The following NDEL1 variants were observed in gnomAD, a reference collection of about 807,000 sequenced individuals.
The protein encoded by NDEL1 is nudE neurodevelopment protein 1 like 1, also known as nuclear distribution protein nudE-like 1.
In NDEL1, 9 loss-of-function variants were observed where a neutral mutation model predicts 45.7. The ratio of observed to expected loss-of-function variants is 0.20; its 90% CI spans 0.12 to 0.34. The LOEUF is 0.34. Among genes scored for constraint, NDEL1 ranks in the 10% least tolerant of loss-of-function variants. The pLI, the probability that NDEL1 is intolerant of heterozygous loss-of-function variation, is 1.00. For synonymous variants in NDEL1, 133 were observed against 158.6 expected, an observed-to-expected ratio of 0.84 and a Z score of 1.21; for missense variants, 306 against 406.2, an observed-to-expected ratio of 0.75 and a Z score of 2.12.
rs534601133 is a variant in NDEL1, at chr17:8,421,092, T to C, written c.-13+7823T>C. The stretch of plus-strand genomic sequence containing the variant: ...TTAGGGAAAATATGATTAACATCAA[T>C]TCTATAGTTTCATAGAGATGATCAT... On this transcript the variant is annotated intron_variant, in intron 1 of 4. Coordinates refer to the NDEL1 transcript ENST00000582812. 1.1e-3 allele frequency among the ~76,000 whole-genome samples: 168 copies of C among 152,356 alleles called. 1 individual carries two copies. The highest frequency in any genetic ancestry group is 1.9e-3 in the Non-Finnish European group (132 of 68,036).
chr17:8,414,559 C>T (rs1374515926), intron 1 of NDEL1, among the ~76,000 whole-genome samples: 6 of 151,936 alleles, frequency 3.9e-5, no homozygotes, highest in South Asian at 2.1e-4. Flanking sequence ...CCCAGCTACC[C>T]GGGAGGCTGA....
chr17:8,470,646 C>G (rs1238037593), downstream of NDEL1, among the ~76,000 whole-genome samples: 1 of 152,194 alleles, frequency 6.6e-6, no homozygotes, highest in Non-Finnish European at 1.5e-5. This position sits in a 1 kb window ranked among gnomAD's most constrained non-coding sequence, Gnocchi z 4.2. Context: ...GTTGACTGAG[C>G]TTGCACGGCT....
intron 3 of NDEL1, among the ~76,000 whole-genome samples, chr17:8,474,053 A>C (rs1912096140): frequency 6.6e-6 from 1 of 152,228 alleles, no homozygotes; most frequent in South Asian, 2.1e-4. Flanking sequence ...AGTTGGAGCC[A>C]GGACTGGCCT....
At chr17:8,428,324 G>C (rs1441638808) in intron 1 of NDEL1, among the ~76,000 whole-genome samples, 1 of 1,980 alleles carries the variant, frequency 5.1e-4, no homozygotes, top group Admixed American at 8.8e-3. Context: ...AGTGTGTGTG[G>C]TGTGTGTGTG....
In NDEL1 at chr17:8,450,938, T is replaced by C. The variant is rs986464853; in HGVS notation, c.685T>C (p.Phe229Leu). Residue 229 changes from phenylalanine (F) to leucine (L), a missense_variant, in exon 6 of 9, where the codon TTT becomes CTT. Coordinates refer to ENST00000334527, the MANE Select transcript of NDEL1 (RefSeq NM_030808.5). ...TPVGKGTENT[F>L]PSPKAIPNGF... ...TGTTGGCAAAGGAACGGAGAACACT[T>C]TTCCTTCACCGAAAGGTTTGTAATG... 5 of 1,609,870 alleles carry C rather than the reference T, an allele frequency of 3.1e-6. No individual in the cohort carries two copies. The highest frequency in any genetic ancestry group is 3.4e-6 in the Non-Finnish European group (4 of 1,178,778).
downstream of NDEL1, among the ~76,000 whole-genome samples, chr17:8,469,493 G>A (rs1911781036): frequency 6.6e-6 from 1 of 152,140 alleles, no homozygotes; most frequent in African/African-American, 2.4e-5. Flanking sequence ...CTGGAGGAAG[G>A]GCCCTGGCTA....
intron 4 of NDEL1, among the ~76,000 whole-genome samples, chr17:8,447,909 T>TA (rs925749368): frequency 1.3e-4 from 17 of 127,608 alleles, no homozygotes; most frequent in South Asian, 4.6e-4. Context: ...AATACCCTAG[T>TA]AAAAAAAAGT....
At chr17:8,415,851 G>T (rs796186019) in intron 1 of NDEL1, among the ~76,000 whole-genome samples, 1 of 152,094 alleles carries the variant, frequency 6.6e-6, no homozygotes, top group African/African-American at 2.4e-5. Flanking sequence ...AGGTTCAAGC[G>T]ATTCTCCTGC....
intron 8 of NDEL1, chr17:8,463,385 C>T: frequency 6.2e-7 from 1 of 1,606,224 alleles, no homozygotes; most frequent in Non-Finnish European, 8.5e-7. Context: ...TGCTCTTTTT[C>T]ATTCTTTCTT....
chr17:8,422,951 G>T (rs1368038765), intron 1 of NDEL1, among the ~76,000 whole-genome samples: 1 of 151,812 alleles, frequency 6.6e-6, no homozygotes, highest in African/African-American at 2.4e-5. Context: ...GGCTGGTCTT[G>T]AACTCCTGAC....
chr17:8,416,083 T>C (rs1487594637), intron 1 of NDEL1, among the ~76,000 whole-genome samples: 1 of 152,142 alleles, frequency 6.6e-6, no homozygotes, highest in African/African-American at 2.4e-5. Context: ...TTCAGTGGCA[T>C]TAAGTACGTT....
At chr17:8,455,511 AACCCTGTCTCT>A (rs1484316600) in intron 7 of NDEL1, among the ~76,000 whole-genome samples, 1 of 152,064 alleles carries the variant, frequency 6.6e-6, no homozygotes, top group Admixed American at 6.5e-5. Flanking sequence ...AACATGGTGA[AACCCTGTCTCT>A]ACTAAAAATA....
In NDEL1 at chr17:8,445,845, A is replaced by G. The variant is rs1231769570; in HGVS notation, c.221A>G (p.Tyr74Cys). 6.4e-7 allele frequency: 1 copy of G among 1,551,588 alleles called. No homozygotes were observed. The highest frequency in any genetic ancestry group is 2.5e-5 in the East Asian group (1 of 40,474). The change falls in exon 3 of 9, where the codon TAT becomes TGT. Residue 74 changes from tyrosine to cysteine, a missense_variant. Around this residue, in one of 3 missense-constraint regions of NDEL1, gnomAD observed 112 missense variants for 148.3 expected, o/e 0.76. Coordinates refer to ENST00000334527, the MANE Select transcript of NDEL1 (RefSeq NM_030808.5). ...CAGGCTGATAACCAAAGACTGAAAT[A>G]TGAAGTGGAGGCATTAAAGGTAATT... is the stretch of plus-strand genomic sequence containing the variant. ...DLQADNQRLK[Y>C]EVEALKEKLE... is the part of the protein sequence containing the mutation.
chr17:8,436,535 A>G (rs919646174), intron 1 of NDEL1: 10 of 152,336 alleles, frequency 6.6e-5, no homozygotes, highest in Admixed American at 5.9e-4. Context: ...CGAGCAGCCC[A>G]CGTTGGGCTC....
rs746655492 is a variant in NDEL1 at position 8,445,872 on chromosome 17, C to T, written c.240+8C>T. ...GAAGTGGAGGCATTAAAGGTAATTGCAGCAGTAGACGCTGGGGTCTAATGT... is the reference window on the plus strand; with the variant it reads ...GAAGTGGAGGCATTAAAGGTAATTGTAGCAGTAGACGCTGGGGTCTAATGT... On this transcript the variant is annotated splice_region_variant and intron_variant, in intron 3 of 8. Coordinates refer to ENST00000334527, the MANE Select transcript of NDEL1 (RefSeq NM_030808.5). 3 of 1,497,568 alleles carry T rather than the reference C, an allele frequency of 2.0e-6. No individual in the cohort carries two copies. The highest frequency in any genetic ancestry group is 2.5e-5 in the Admixed American group (1 of 40,176). 92.8% of individuals were successfully genotyped at this position (1,497,568 alleles called of 1,614,324 possible). A position where few individuals can be genotyped will look rare whatever the true frequency, so the allele number is the denominator to read the frequency against.
downstream of NDEL1, among the ~76,000 whole-genome samples, chr17:8,473,073 G>T (rs924702742): frequency 1.3e-5 from 2 of 152,202 alleles, no homozygotes; most frequent in African/African-American, 4.8e-5. Flanking sequence ...TTATTAAATA[G>T]TATCTTTGCA....
At chr17:8,469,647 A>T (rs1310487886), downstream of NDEL1, among the ~76,000 whole-genome samples, 1 of 151,838 alleles carries the variant, frequency 6.6e-6, no homozygotes, top group South Asian at 2.1e-4. Flanking sequence ...AAATTAAAAA[A>T]ATTTTTGTCC....
intron 1 of NDEL1, among the ~76,000 whole-genome samples, chr17:8,442,201 G>C (rs1318134606): frequency 6.6e-6 from 1 of 152,112 alleles, no homozygotes; most frequent in East Asian, 1.9e-4. Context: ...ACTGAATGTG[G>C]CTGCCCATGT....
downstream of NDEL1, among the ~76,000 whole-genome samples, chr17:8,472,943 C>T (rs1045799007): frequency 2.0e-5 from 3 of 152,196 alleles, no homozygotes; most frequent in African/African-American, 4.8e-5. Flanking sequence ...TCTTCTGATA[C>T]ACTCAAAGCC....
Sources: gnomAD v4.1 joint callset for allele counts (sites outside exome capture counted in the v4.1 genomes callset) on GRCh38, gnomAD v4.1.1 for gene constraint, gnomAD v4.1.1 regional missense constraint, Gnocchi (gnomAD v3.1) non-coding constraint, MANE v1.5 for transcripts, NCBI Gene and HGNC (gene_info 2026-07-23, HGNC 2026-07-21) for gene names.